Variants in WBP11 observed in about 807,000 individuals in gnomAD.
WBP11 encodes WW domain binding protein 11.
WBP11 carries 12 observed loss-of-function variants against 66.7 expected under a neutral mutation model. The ratio of observed to expected loss-of-function variants is 0.18; its 90% CI spans 0.12 to 0.29. WBP11 has a LOEUF of 0.29. Ranked by LOEUF, WBP11 falls within the 10% of genes least tolerant of loss-of-function variation. WBP11 has a pLI of 1.00. For missense variants in WBP11, 555 were observed against 818.3 expected (o/e 0.68, Z 3.93); for synonymous variants, 255 against 273.8 (o/e 0.93, Z 0.68).
In WBP11 at chr12:14,790,458, G is replaced by T. The variant is rs762360638; in HGVS notation, c.1307C>A (p.Pro436Gln). Residue 436 changes from proline (P) to glutamine (Q), a missense_variant and splice_region_variant, in exon 10 of 12, where the codon CCA becomes CAA. Physicochemically the swap from Pro to Gln is moderately conservative, Grantham distance 76 (BLOSUM62 -1). Transcript: ENST00000261167. The stretch of plus-strand genomic sequence containing the variant: ...ATTCACATTATGTAAGTGTTTACCT[G>T]GAGGTGGACCAGGAGGAAGGCCTGT... Reference protein sequence around the residue: ...PPTGLPPGPPPGAPPFLRPPG... With the variant: ...PPTGLPPGPPQGAPPFLRPPG... The T allele has an allele frequency of 1.9e-6, 3 of 1,613,476 alleles. No homozygotes were observed. The African/African-American group carries it at 4.0e-5, about 22-fold the overall frequency.
chr12:14,796,434 T>C lies in WBP11; in HGVS notation c.387+373A>G, dbSNP rs1396229572. ...ACATGACATTCTCCCATTAACTTTT[T>C]AAATCTAAGTATAGGCTGAGCATCC... is the stretch of plus-strand genomic sequence containing the variant. On this transcript the variant is annotated intron_variant, in intron 5 of 11. Coordinates refer to ENST00000261167, the MANE Select transcript of WBP11 (RefSeq NM_016312.3). This position sits in a 1 kb window ranked among gnomAD's most constrained non-coding sequence, Gnocchi z 4.5. Among the ~76,000 whole-genome samples, 1 of 152,150 alleles carries C rather than the reference T, an allele frequency of 6.6e-6. No individual in the cohort carries two copies. The highest frequency in any genetic ancestry group is 1.5e-5 in the Non-Finnish European group (1 of 68,016).
rs917735858 is a variant in WBP11 at position 14,794,414 on chromosome 12, A to G, written c.721+123T>C. ...CTATGATTTATCCAACTGTATGTAT[A>G]TTAGTTATGTACATGATACCCTCTC... On this transcript the variant is annotated intron_variant, in intron 7 of 11. Coordinates refer to ENST00000261167, the MANE Select transcript of WBP11 (RefSeq NM_016312.3). 29 of 1,022,150 alleles carry G rather than the reference A, an allele frequency of 2.8e-5. No homozygotes were observed. In the East Asian group the frequency reaches 6.2e-4, roughly 22 times the overall value. 63.3% of individuals were successfully genotyped at this position (1,022,150 alleles called of 1,614,324 possible).
At chr12:14,798,624 T>C (rs1949920238) in intron 4 of WBP11, among the ~76,000 whole-genome samples, 1 of 152,180 alleles carries the variant, frequency 6.6e-6, no homozygotes, top group African/African-American at 2.4e-5. Flanking sequence ...CCAGGCTAGC[T>C]GCACAGATTC....
At chr12:14,790,363 A>G in intron 10 of WBP11, 93 bp downstream of exon 10, 2 of 1,464,904 alleles carry the variant, frequency 1.4e-6, no homozygotes, top group Non-Finnish European at 1.8e-6. Context: ...AGGAGGAAAC[A>G]AGAAAACATG....
In WBP11 at chr12:14,796,202, A is replaced by G. The variant is rs971976804; in HGVS notation, c.387+605T>C. Among the ~76,000 whole-genome samples, 2 of 152,174 alleles carry G rather than the reference A, an allele frequency of 1.3e-5. No individual in the cohort carries two copies. The highest frequency in any genetic ancestry group is 3.8e-4 in the East Asian group (2 of 5,198). ...TTTTTTATTCCATGCTGTTTTGAGT[A>G]TTAGATTATTCCTTTTATTGCTGAA... On this transcript the variant is annotated intron_variant, in intron 5 of 11. Transcript: ENST00000261167. This position sits in a 1 kb window ranked among gnomAD's most constrained non-coding sequence, Gnocchi z 4.5.
At position 14,786,000 on chromosome 12, in the gene WBP11, T is replaced by C. The variant is rs1232376923; in HGVS notation, c.*1065A>G. 1.3e-5 allele frequency: 2 copies of C among 152,208 alleles called. No homozygotes were observed. Among genetic ancestry groups the C allele is most frequent in the Non-Finnish European group, 2.9e-5 (2 of 68,020 alleles). The allele number at this position is 152,208 out of a possible 1,614,324, so 9.4% of individuals were successfully genotyped here. A position where few individuals can be genotyped will look rare whatever the true frequency, so the allele number is the denominator to read the frequency against. On this transcript the variant is annotated 3_prime_UTR_variant, in exon 12 of 12. Coordinates refer to ENST00000261167, the MANE Select transcript of WBP11 (RefSeq NM_016312.3). ...GTAGATGAGTTTACATTAAAGCACTTTGTAAAGAAAATGGTATAAATGCAA... is the reference window on the plus strand; with the variant it reads ...GTAGATGAGTTTACATTAAAGCACTCTGTAAAGAAAATGGTATAAATGCAA...
At position 14,796,838 on chromosome 12, in the gene WBP11, G is replaced by T; in HGVS notation, c.356C>A (p.Ala119Asp). 1 of 1,603,330 alleles carries T rather than the reference G, an allele frequency of 6.2e-7. No homozygotes were observed. The highest frequency in any genetic ancestry group is 8.5e-7 in the Non-Finnish European group (1 of 1,176,884). ...AGCATCAAAATATTGGCTAAGTTGAGCCCTCTTCTGTTCATATTCTACTTC... is the reference window on the plus strand; with the variant it reads ...AGCATCAAAATATTGGCTAAGTTGATCCCTCTTCTGTTCATATTCTACTTC... ...KLEVEYEQKRAQLSQYFDAVK... is the reference protein window; with the variant it reads ...KLEVEYEQKRDQLSQYFDAVK... Residue 119 changes from alanine to aspartate, a missense_variant, in exon 5 of 12, where the codon GCT (alanine) becomes GAT (aspartate). Ala to Asp is a moderately radical substitution (Grantham distance 126). Coordinates refer to ENST00000261167, the MANE Select transcript of WBP11 (RefSeq NM_016312.3). The surrounding 1 kb of genome is among the most constrained non-coding windows in gnomAD (Gnocchi z 4.5).
chr12:14,794,512 A>G (rs761729144), intron 7 of WBP11, 25 bp downstream of exon 7: 8 of 1,611,990 alleles, frequency 5.0e-6, no homozygotes, highest in African/African-American at 1.3e-5. Context: ...ATAGTTATAA[A>G]AGCAAAAGAA....
In WBP11 at chr12:14,790,452, T is replaced by C. The variant is rs774674875; in HGVS notation, c.1309+4A>G. The C allele has an allele frequency of 1.2e-6, 2 of 1,613,266 alleles. No individual in the cohort carries two copies. Among genetic ancestry groups the C allele is most frequent in the South Asian group, 2.2e-5 (2 of 91,036 alleles). ...AACTTTATTCACATTATGTAAGTGTTTACCTGGAGGTGGACCAGGAGGAAG... is the reference window on the plus strand; with the variant it reads ...AACTTTATTCACATTATGTAAGTGTCTACCTGGAGGTGGACCAGGAGGAAG... On this transcript the variant is annotated splice_donor_region_variant and intron_variant, in intron 10 of 11. Coordinates refer to ENST00000261167, the MANE Select transcript of WBP11 (RefSeq NM_016312.3).
In WBP11 at chr12:14,785,409, T is replaced by TA. The variant is rs1949742020; in HGVS notation, c.*1655_*1656insT. On this transcript the variant is annotated 3_prime_UTR_variant, in exon 12 of 12. Transcript: ENST00000261167. ...ACAATATTGATACCATATGGTTTGA[T>TA]CCTTGATATCCGTAAGTTATCAAGG... 1 of 152,210 alleles carries TA rather than the reference T, an allele frequency of 6.6e-6. No homozygotes were observed. The highest frequency in any genetic ancestry group is 1.5e-5 in the Non-Finnish European group (1 of 68,038). 9.4% of individuals were successfully genotyped at this position (152,210 alleles called of 1,614,324 possible). A position where few individuals can be genotyped will look rare whatever the true frequency, so the allele number is the denominator to read the frequency against.
At position 14,801,406 on chromosome 12, in the gene WBP11, T is replaced by C. The variant is rs1407017585; in HGVS notation, c.-23A>G. On this transcript the variant is annotated 5_prime_UTR_variant, in exon 2 of 12. Coordinates refer to ENST00000261167, the MANE Select transcript of WBP11 (RefSeq NM_016312.3). ...CATGTTGACAATTTGTATGGTTTAC[T>C]TGTTCATTAAAAAAAGAAAAACCTG... 1.2e-6 allele frequency: 2 copies of C among 1,610,210 alleles called. No homozygotes were observed. The highest frequency in any genetic ancestry group is 1.1e-5 in the South Asian group (1 of 90,966).
intron 7 of WBP11, 119 bp downstream of exon 7, chr12:14,794,418 G>C: frequency 9.3e-7 from 1 of 1,076,736 alleles, no homozygotes; most frequent in Non-Finnish European, 1.4e-6. Context: ...ATGTATATTA[G>C]TTATGTACAT....
intron 11 of WBP11, among the ~76,000 whole-genome samples, 187 bp from the exon 12 acceptor site, chr12:14,787,685 T>A (rs1393701642): frequency 6.6e-6 from 1 of 152,234 alleles, no homozygotes; most frequent in Admixed American, 6.5e-5. Flanking sequence ...GTATTTACCT[T>A]CAGCCTATAT....
At chr12:14,789,268 T>C in intron 10 of WBP11, 135 bp from the exon 11 acceptor site, 1 of 828,964 alleles carries the variant, frequency 1.2e-6, no homozygotes, top group Non-Finnish European at 1.8e-6. Flanking sequence ...GAAACATACA[T>C]GGAAACAGAA....
Position 14,787,138 on chromosome 12 carries a change from G to C in WBP11, c.1853C>G (p.Ser618Cys). 1 of 1,613,748 alleles carries C rather than the reference G, an allele frequency of 6.2e-7. No homozygotes were observed. The highest frequency in any genetic ancestry group is 1.1e-5 in the South Asian group (1 of 91,066). Residue 618 changes from serine (S) to cysteine (C), a missense_variant, in exon 12 of 12, where the codon TCT (serine) becomes TGT (cysteine). Transcript: ENST00000261167. ...LAKAAPKSGP[S>C]VPVSVQTKDD... ...CTTAGTTTGTACTGAGACAGGAACA[G>C]AAGGACCAGATTTGGGTGCTGCTTT...
chr12:14,801,957 T>C (rs1337350693), intron 1 of WBP11: 3 of 152,520 alleles, frequency 2.0e-5, no homozygotes, highest in Non-Finnish European at 4.4e-5. Context: ...TAAAAACTCA[T>C]TAATTTAAGC....
At chr12:14,795,643 T>C (rs1018603121) in intron 5 of WBP11, among the ~76,000 whole-genome samples, 4 of 152,046 alleles carry the variant, frequency 2.6e-5, no homozygotes, top group Non-Finnish European at 4.4e-5. Context: ...GGGAGGAGAA[T>C]TGCTTGAACC....
chr12:14,795,115 G>T lies in WBP11; in HGVS notation c.388-11C>A, dbSNP rs762126002. Reference sequence around the variant, plus strand: ...CACATGCTGAGCATTCTGAAACAGAGAACCATTCAGTAGTATGATAAAAAA... The same window carrying T: ...CACATGCTGAGCATTCTGAAACAGATAACCATTCAGTAGTATGATAAAAAA... On this transcript the variant is annotated splice_polypyrimidine_tract_variant and intron_variant, in intron 5 of 11. Transcript: ENST00000261167. 14 of 1,588,006 alleles carry T rather than the reference G, an allele frequency of 8.8e-6. No homozygotes were observed. Among genetic ancestry groups the T allele is most frequent in the Non-Finnish European group, 1.2e-5 (14 of 1,169,474 alleles).
rs572550378 is a variant in WBP11 at position 14,796,314 on chromosome 12, A to T, written c.387+493T>A. Reference sequence around the variant, plus strand: ...TAGGCTGATCCAAGTTTTTGAATTAATTTCTTCTGTTTAAATAAAGAGGAT... The same window carrying T: ...TAGGCTGATCCAAGTTTTTGAATTATTTTCTTCTGTTTAAATAAAGAGGAT... On this transcript the variant is annotated intron_variant, in intron 5 of 11. Coordinates refer to ENST00000261167, the MANE Select transcript of WBP11 (RefSeq NM_016312.3). This position sits in a 1 kb window ranked among gnomAD's most constrained non-coding sequence, Gnocchi z 4.5. 2.6e-5 allele frequency among the ~76,000 whole-genome samples: 4 copies of T among 152,324 alleles called. No homozygotes were observed. In the East Asian group the frequency reaches 7.7e-4, roughly 29 times the overall value.
Sources: gnomAD v4.1 joint callset for allele counts (sites outside exome capture counted in the v4.1 genomes callset) on GRCh38, gnomAD v4.1.1 for gene constraint, Gnocchi (gnomAD v3.1) non-coding constraint, MANE v1.5 for transcripts, NCBI Gene and HGNC (gene_info 2026-07-23, HGNC 2026-07-21) for gene names.